GRIK2: variants seen among roughly 807,000 people sequenced by gnomAD.
The protein encoded by GRIK2 is glutamate ionotropic receptor kainate type subunit 2.
In GRIK2, 32 loss-of-function variants were observed where a neutral mutation model predicts 100.3. The observed-to-expected ratio is 0.32, with a 90% CI of 0.24 to 0.43. The LOEUF is 0.43. Among genes scored for constraint, GRIK2 ranks in the 20% least tolerant of loss-of-function variants. The pLI, the probability that GRIK2 is intolerant of heterozygous loss-of-function variation, is 1.00. For synonymous variants in GRIK2, 417 were observed against 389.4 expected (o/e 1.07, Z -0.83); for missense variants, 843 against 1,114.9 (o/e 0.76, Z 3.47).
chr6:101,423,145 C>T (rs996769843), intron 2 of GRIK2, among the ~76,000 whole-genome samples: 13 of 152,170 alleles, frequency 8.5e-5, no homozygotes, highest in African/African-American at 3.1e-4. Flanking sequence ...CCATCCACCC[C>T]CATTCAGACA....
chr6:102,040,067 ATAAT>A (rs1770485057), intron 15 of GRIK2, among the ~76,000 whole-genome samples: 1 of 151,562 alleles, frequency 6.6e-6, no homozygotes, highest in South Asian at 2.1e-4. Context: ...CAGTGAGTGT[ATAAT>A]TATTTAACAG....
chr6:101,487,464 T>C (rs2128264827), intron 2 of GRIK2, among the ~76,000 whole-genome samples: 1 of 146,842 alleles, frequency 6.8e-6, no homozygotes, highest in African/African-American at 2.6e-5. Context: ...ATCATATGCA[T>C]GAATGGAAGT....
At chr6:102,011,577 CTTTT>C (rs763369559) in intron 14 of GRIK2, among the ~76,000 whole-genome samples, 17 of 76,638 alleles carry the variant, frequency 2.2e-4, no homozygotes, top group African/African-American at 4.9e-4. Flanking sequence ...CTTTCTTTTC[CTTTT>C]TTTTTTTTTT....
At position 101,575,461 on chromosome 6, in the gene GRIK2, A is replaced by C. The variant is rs548118784; in HGVS notation, c.116-46488A>C. Among the ~76,000 whole-genome samples, 21 of 152,142 alleles carry C rather than the reference A, an allele frequency of 1.4e-4. No individual in the cohort carries two copies. The South Asian group carries it at 4.1e-3, about 30-fold the overall frequency. On this transcript the variant is annotated intron_variant, in intron 2 of 16. Coordinates refer to ENST00000369134, the MANE Select transcript of GRIK2 (RefSeq NM_021956.5). ...TGTAACATTTATATTGTCTCCATTC[A>C]GCAGTTTTTGAGACATTTCTGTGGA...
intron 14 of GRIK2, among the ~76,000 whole-genome samples, chr6:101,944,618 A>G (rs182908711): frequency 6.6e-6 from 1 of 152,342 alleles, no homozygotes; most frequent in Non-Finnish European, 1.5e-5. Flanking sequence ...GATAAAAATA[A>G]TAGTTTGTTT....
intron 2 of GRIK2, among the ~76,000 whole-genome samples, chr6:101,407,062 CA>C (rs1487547130): frequency 6.6e-6 from 1 of 152,048 alleles, no homozygotes; most frequent in Admixed American, 6.6e-5. Flanking sequence ...ATAAACAAAA[CA>C]AATATTAAAG....
At chr6:102,004,854 A>G (rs1795130068) in intron 14 of GRIK2, among the ~76,000 whole-genome samples, 1 of 151,504 alleles carries the variant, frequency 6.6e-6, no homozygotes, top group Non-Finnish European at 1.5e-5. Context: ...ACCTTTCTCC[A>G]GTGCATTTTT....
In GRIK2 at chr6:102,011,577, C is replaced by CTTTTTT. The variant is rs763369559; in HGVS notation, c.2086-23745_2086-23740dup. Among the ~76,000 whole-genome samples, 356 of 76,650 alleles carry CTTTTTT rather than the reference C, an allele frequency of 4.6e-3. 12 individuals carry two copies. The highest frequency in any genetic ancestry group is 0.013 in the African/African-American group (216 of 16,390). The allele number at this position is 76,650 out of a possible 152,430, so 50.3% of individuals were successfully genotyped here. On this transcript the variant is annotated intron_variant, in intron 14 of 16. Transcript: ENST00000369134. ...ATTTCTTTTTTTTTTCTTTCTTTTC[C>CTTTTTT]TTTTTTTTTTTTTTTTTTTTTTTTG...
At chr6:101,653,107 G>A (rs1781882622) in intron 4 of GRIK2, among the ~76,000 whole-genome samples, 2 of 152,156 alleles carry the variant, frequency 1.3e-5, no homozygotes, top group Admixed American at 1.3e-4. Context: ...GTTGTAAACA[G>A]ATTTAAAGAG....
chr6:101,451,729 GT>G (rs1250347973), intron 2 of GRIK2, among the ~76,000 whole-genome samples: 8 of 143,750 alleles, frequency 5.6e-5, no homozygotes, highest in Non-Finnish European at 1.1e-4. Context: ...TCCCACTTTT[GT>G]TTTTTAAGAA....
intron 2 of GRIK2, among the ~76,000 whole-genome samples, chr6:101,458,725 A>G (rs973576814): frequency 2.0e-5 from 3 of 152,194 alleles, no homozygotes; most frequent in East Asian, 3.9e-4. Context: ...AAGGGGGTAC[A>G]TTGGCCAATT....
chr6:101,765,114 T>C (rs902114984), intron 7 of GRIK2, among the ~76,000 whole-genome samples: 1 of 152,180 alleles, frequency 6.6e-6, no homozygotes, highest in Non-Finnish European at 1.5e-5. Context: ...AGTGTCAACA[T>C]CACTTTCTTC....
chr6:101,598,029 C>T (rs568791699), intron 2 of GRIK2, among the ~76,000 whole-genome samples: 11 of 151,820 alleles, frequency 7.2e-5, no homozygotes, highest in African/African-American at 2.4e-4. Context: ...CACACAAAGA[C>T]ATCAGTTATG....
chr6:101,821,023 G>A (rs910465503), intron 10 of GRIK2, among the ~76,000 whole-genome samples: 11 of 151,758 alleles, frequency 7.2e-5, no homozygotes, highest in Admixed American at 7.2e-4. Flanking sequence ...AAGTGCCTTG[G>A]GTATAGCAAG....
At chr6:101,421,585 A>C (rs2128240417) in intron 2 of GRIK2, among the ~76,000 whole-genome samples, 1 of 152,342 alleles carries the variant, frequency 6.6e-6, no homozygotes, top group East Asian at 1.9e-4. Context: ...GTTAAAGAAC[A>C]TTACTTTATT....
chr6:101,455,563 G>A (rs10485268), intron 2 of GRIK2, among the ~76,000 whole-genome samples: 12,477 of 151,756 alleles, frequency 0.082, 523 homozygotes, highest in Middle Eastern at 0.099. Context: ...TTAGACCTAG[G>A]TTAGAAATAT....
chr6:102,064,138 A>T, intron 16 of GRIK2: 2 of 661,418 alleles, frequency 3.0e-6, no homozygotes, highest in Non-Finnish European at 5.4e-6. Flanking sequence ...ATCCTAAGGA[A>T]CTGACCTTAT....
chr6:101,498,742 G>A (rs1356279136), intron 2 of GRIK2, among the ~76,000 whole-genome samples: 1 of 151,762 alleles, frequency 6.6e-6, no homozygotes, highest in African/African-American at 2.4e-5. Flanking sequence ...AAATTTGTTT[G>A]AGTTCATTGT....
At chr6:101,557,998 T>A (rs1401278994) in intron 2 of GRIK2, among the ~76,000 whole-genome samples, 1 of 152,206 alleles carries the variant, frequency 6.6e-6, no homozygotes, top group African/African-American at 2.4e-5. Context: ...TGCCCTTCGG[T>A]AGCAAATTGT....
Sources: allele counts gnomAD v4.1 joint callset (sites outside exome capture counted in the v4.1 genomes callset), GRCh38; gene constraint gnomAD v4.1.1; transcripts MANE v1.5; gene names NCBI Gene and HGNC (gene_info 2026-07-23, HGNC 2026-07-21).